C12orf54: variants seen among roughly 807,000 people sequenced by gnomAD.
The protein encoded by C12orf54 is uncharacterized protein C12orf54.
Under a neutral mutation model 26.4 loss-of-function variants are expected in C12orf54, and 24 were observed. That is an observed-to-expected ratio of 0.91 (90% confidence interval 0.66 to 1.28). The LOEUF (loss-of-function observed/expected upper bound fraction) is 1.28. C12orf54 is among the 50% of genes most tolerant of loss of function. The probability of loss-of-function intolerance (pLI) is 0.00; values close to 1 mark genes in which losing one functional copy is unlikely to be tolerated. For missense variants in C12orf54, 154 were observed against 150.9 expected (o/e 1.02, Z -0.11); for synonymous variants, 54 against 47.0 (o/e 1.15, Z -0.61).
the C12orf54 span, among the ~76,000 whole-genome samples, chr12:48,455,497 G>T: frequency 1.3e-5 from 2 of 152,184 alleles, no homozygotes; most frequent in African/African-American, 4.8e-5. Context: ...TGCAGACAGA[G>T]TTGTTACAGA....
At chr12:48,493,611 CA>C (rs1937839718) in intron 7 of C12orf54, among the ~76,000 whole-genome samples, 1 of 87,784 alleles carries the variant, frequency 1.1e-5, no homozygotes, top group Non-Finnish European at 2.2e-5. Context: ...GGAGACAGAG[CA>C]AAACACTGTC....
the C12orf54 span, among the ~76,000 whole-genome samples, chr12:48,449,839 T>A: frequency 6.7e-6 from 1 of 149,256 alleles, no homozygotes; most frequent in South Asian, 2.1e-4. Context: ...CACCCAAATC[T>A]CAACTTGAAT....
At chr12:48,442,991 A>G in the C12orf54 span, 3 of 152,250 alleles carry the variant, frequency 2.0e-5, no homozygotes, top group African/African-American at 4.8e-5. Flanking sequence ...AAATTGAGTG[A>G]AGCCTCTTCT....
chr12:48,474,810 A>C, the C12orf54 span, among the ~76,000 whole-genome samples: 1 of 152,236 alleles, frequency 6.6e-6, no homozygotes, highest in East Asian at 1.9e-4. Flanking sequence ...TGTAGGCTCC[A>C]CCTCTAGGGG....
the C12orf54 span, among the ~76,000 whole-genome samples, chr12:48,449,587 C>T: frequency 6.6e-6 from 1 of 152,128 alleles, no homozygotes; most frequent in Non-Finnish European, 1.5e-5. Flanking sequence ...AAAGTTTTCA[C>T]TAGGCTTTGT....
chr12:48,422,894 A>G, the C12orf54 span, among the ~76,000 whole-genome samples: 1 of 152,302 alleles, frequency 6.6e-6, no homozygotes, highest in African/African-American at 2.4e-5. Flanking sequence ...CACTAGTTAA[A>G]GCATTCTGGG....
At chr12:48,476,421 A>T in the C12orf54 span, among the ~76,000 whole-genome samples, 1 of 152,174 alleles carries the variant, frequency 6.6e-6, no homozygotes, top group South Asian at 2.1e-4. Context: ...TAAATGGGCT[A>T]AATGCTCCAA....
intron 4 of C12orf54, chr12:48,487,948 G>A (rs531377962): frequency 7.2e-6 from 5 of 693,376 alleles, no homozygotes; most frequent in Non-Finnish European, 1.3e-5. Context: ...CCGCTGAGAT[G>A]TTGATACCTA....
At chr12:48,472,214 A>G in the C12orf54 span, among the ~76,000 whole-genome samples, 73 of 152,298 alleles carry the variant, frequency 4.8e-4, no homozygotes, top group African/African-American at 1.5e-3. Flanking sequence ...TCTTACTAAA[A>G]CTGTTTATCA....
chr12:48,425,141 G>A, the C12orf54 span, among the ~76,000 whole-genome samples: 7 of 152,052 alleles, frequency 4.6e-5, no homozygotes, highest in African/African-American at 1.7e-4. Flanking sequence ...AGGTAAACTG[G>A]TGTCACAGGG....
the C12orf54 span, among the ~76,000 whole-genome samples, chr12:48,469,426 G>A: frequency 0.13 from 19,255 of 152,220 alleles, 1,618 homozygotes; most frequent in Non-Finnish European, 0.2. Flanking sequence ...TCCCGGCCCC[G>A]CAGACAGTCA....
the C12orf54 span, among the ~76,000 whole-genome samples, chr12:48,427,551 G>T: frequency 6.6e-6 from 1 of 150,750 alleles, no homozygotes; most frequent in African/African-American, 2.4e-5. Flanking sequence ...TGTTTGTTGT[G>T]TCTCTGCCAA....
chr12:48,458,570 C>A, the C12orf54 span, among the ~76,000 whole-genome samples: 1 of 152,148 alleles, frequency 6.6e-6, no homozygotes, highest in Non-Finnish European at 1.5e-5. Flanking sequence ...AGGACAGGGA[C>A]CAGTCTCCTC....
At chr12:48,430,558 A>G in the C12orf54 span, among the ~76,000 whole-genome samples, 1 of 152,116 alleles carries the variant, frequency 6.6e-6, no homozygotes, top group South Asian at 2.1e-4. Context: ...ATAATGCTCA[A>G]CTAATGATCA....
At chr12:48,437,012 G>A in the C12orf54 span, among the ~76,000 whole-genome samples, 1 of 60,554 alleles carries the variant, frequency 1.7e-5, no homozygotes, top group African/African-American at 4.7e-5. Flanking sequence ...CTGCTAGCAA[G>A]ACTAATAAAG....
chr12:48,448,993 T>C, the C12orf54 span, among the ~76,000 whole-genome samples: 1 of 152,210 alleles, frequency 6.6e-6, no homozygotes, highest in Non-Finnish European at 1.5e-5. Flanking sequence ...GGGGCAGCTA[T>C]GGGCTGTAGC....
chr12:48,482,912 C>T (rs904446257), intron 1 of C12orf54, among the ~76,000 whole-genome samples: 2 of 151,552 alleles, frequency 1.3e-5, no homozygotes, highest in African/African-American at 4.8e-5. Flanking sequence ...TCTCAGCCAA[C>T]TTATTTTTCA....
At position 48,494,795 on chromosome 12, in the gene C12orf54, CA is replaced by C; in HGVS notation, c.243-2del. ...GTCTACAACTTTCTCTATTTTGGCA[CA>C]GAAGCATAAGGCCTCCAGATTCCTT... On this transcript the variant is annotated splice_acceptor_variant, in intron 7 of 8. Transcript: ENST00000548364. LOFTEE classifies it high-confidence loss of function. 4 of 1,613,458 alleles carry C rather than the reference CA, an allele frequency of 2.5e-6. No individual in the cohort carries two copies. The highest frequency in any genetic ancestry group is 3.4e-6 in the Non-Finnish European group (4 of 1,179,470).
chr12:48,490,758 G>C, intron 5 of C12orf54, 54 bp from the exon 6 acceptor site: 1 of 1,601,684 alleles, frequency 6.2e-7, no homozygotes, highest in Non-Finnish European at 8.6e-7. Context: ...TACAGTGCAG[G>C]TCTGCAGGAG....
Sources: gnomAD v4.1 joint callset for allele counts (sites outside exome capture counted in the v4.1 genomes callset) on GRCh38, gnomAD v4.1.1 for gene constraint, MANE v1.5 for transcripts, NCBI Gene and HGNC (gene_info 2026-07-23, HGNC 2026-07-21) for gene names.